Variants in RGS20 observed in about 807,000 individuals in gnomAD.
RGS20 encodes gz-selective GTPase-activating protein.
Under a neutral mutation model 33.6 loss-of-function variants are expected in RGS20, and 30 were observed. The ratio of observed to expected loss-of-function variants is 0.89; its 90% confidence interval spans 0.67 to 1.21. The LOEUF (loss-of-function observed/expected upper bound fraction) is 1.21. Ranked by LOEUF, RGS20 falls within the 50% of genes most tolerant of loss-of-function variation. The pLI is 0.00. For missense variants in RGS20, 472 were observed against 502.4 expected, an observed-to-expected ratio of 0.94 and a Z score of 0.58; for synonymous variants, 208 against 197.9, an observed-to-expected ratio of 1.05 and a Z score of -0.43.
chr8:53,919,126 G>T (rs1025906682), intron 2 of RGS20, among the ~76,000 whole-genome samples: 8 of 152,058 alleles, frequency 5.3e-5, no homozygotes, highest in Admixed American at 5.2e-4. Context: ...ATTTCATTGT[G>T]GTAGAGATTT....
intron 1 of RGS20, among the ~76,000 whole-genome samples, chr8:53,864,418 G>T (rs1301202215): frequency 2.7e-4 from 38 of 140,132 alleles, no homozygotes; most frequent in Non-Finnish European, 3.0e-5. Context: ...TGGCGATAGA[G>T]CAAGACTCCA....
chr8:53,880,988 C>T, intron 2 of RGS20: 1 of 1,592,926 alleles, frequency 6.3e-7, no homozygotes, highest in Non-Finnish European at 8.5e-7. Context: ...CTCCGCGCTG[C>T]AATATTGAGA....
At chr8:53,948,623 T>C (rs1460927439) in intron 4 of RGS20, among the ~76,000 whole-genome samples, 1 of 125,694 alleles carries the variant, frequency 8.0e-6, no homozygotes, top group Non-Finnish European at 1.6e-5. Context: ...TATGATACAG[T>C]ACATATTTAC....
chr8:53,910,400 T>TA (rs1293165293), intron 2 of RGS20, among the ~76,000 whole-genome samples: 2 of 145,128 alleles, frequency 1.4e-5, no homozygotes, highest in African/African-American at 5.4e-5. Flanking sequence ...AGCTGCCACT[T>TA]ACGCCTATTA....
At chr8:53,863,979 G>A (rs1167573157) in intron 1 of RGS20, among the ~76,000 whole-genome samples, 2 of 151,634 alleles carry the variant, frequency 1.3e-5, no homozygotes, top group Non-Finnish European at 2.9e-5. Context: ...TGCCTTCCTC[G>A]GCCTCCCAAA....
intron 1 of RGS20, chr8:53,852,189 G>C: frequency 1.1e-6 from 1 of 917,138 alleles, no homozygotes; most frequent in Non-Finnish European, 1.5e-6. Flanking sequence ...TATCAAAAAT[G>C]TTTTCAAACC....
chr8:53,885,707 A>G (rs545332322), intron 2 of RGS20, among the ~76,000 whole-genome samples: 1 of 151,356 alleles, frequency 6.6e-6, no homozygotes, highest in South Asian at 2.1e-4. Context: ...CAGGGGAGGT[A>G]CTTCTAGGAA....
chr8:53,949,653 G>T (rs1393962965), intron 4 of RGS20, among the ~76,000 whole-genome samples: 3 of 151,524 alleles, frequency 2.0e-5, no homozygotes, highest in African/African-American at 7.3e-5. Flanking sequence ...GGAGGCAGAG[G>T]TTGCAGTGAG....
chr8:53,916,580 C>A (rs1811919776), intron 2 of RGS20, among the ~76,000 whole-genome samples: 1 of 152,042 alleles, frequency 6.6e-6, no homozygotes, highest in Non-Finnish European at 1.5e-5. Context: ...AATTGTCATT[C>A]TTTTGTAGGA....
intron 2 of RGS20, among the ~76,000 whole-genome samples, chr8:53,903,339 A>C (rs1048395278): frequency 6.6e-6 from 1 of 152,260 alleles, no homozygotes; most frequent in East Asian, 1.9e-4. Context: ...AATGAGGCTT[A>C]CAACATTTGT....
chr8:53,953,184 G>A (rs1433292185), intron 4 of RGS20, among the ~76,000 whole-genome samples: 1 of 152,144 alleles, frequency 6.6e-6, no homozygotes, highest in African/African-American at 2.4e-5. Context: ...TAACAAAAGT[G>A]CACTTGCACC....
intron 2 of RGS20, among the ~76,000 whole-genome samples, chr8:53,928,613 C>T (rs146412110): frequency 0.021 from 3,141 of 152,090 alleles, 43 homozygotes; most frequent in Non-Finnish European, 0.027. Context: ...CACCTGAGGT[C>T]AGGAGTTCGA....
intron 2 of RGS20, among the ~76,000 whole-genome samples, chr8:53,881,827 G>T (rs189856417): frequency 1.0e-3 from 153 of 152,224 alleles, no homozygotes; most frequent in African/African-American, 3.6e-3. Context: ...TTGATCTTCC[G>T]CACCCTCGGA....
At chr8:53,911,377 C>T (rs1340794952) in intron 2 of RGS20, among the ~76,000 whole-genome samples, 1 of 152,096 alleles carries the variant, frequency 6.6e-6, no homozygotes, top group African/African-American at 2.4e-5. Flanking sequence ...ACAGACTAAC[C>T]TTTGGCAAAT....
intron 2 of RGS20, chr8:53,880,986 T>C (rs1199513466): frequency 1.3e-6 from 2 of 1,591,590 alleles, no homozygotes; most frequent in African/African-American, 1.3e-5. Flanking sequence ...CCCTCCGCGC[T>C]GCAATATTGA....
intron 2 of RGS20, among the ~76,000 whole-genome samples, chr8:53,894,322 G>T (rs1371084916): frequency 6.6e-6 from 1 of 152,142 alleles, no homozygotes; most frequent in Non-Finnish European, 1.5e-5. Context: ...CACACCAAGG[G>T]GGAGGGAGAT....
chr8:53,864,731 G>A (rs1811884136), intron 1 of RGS20, among the ~76,000 whole-genome samples: 1 of 152,168 alleles, frequency 6.6e-6, no homozygotes, highest in Non-Finnish European at 1.5e-5. Flanking sequence ...GATGAAACAA[G>A]ATTTCATCTG....
chr8:53,896,488 C>T (rs907710698), intron 2 of RGS20, among the ~76,000 whole-genome samples: 9 of 152,198 alleles, frequency 5.9e-5, no homozygotes, highest in South Asian at 4.1e-4. Context: ...TCACTGAAAA[C>T]ATTTGTCTAC....
chr8:53,893,820 G>C (rs1812781020), intron 2 of RGS20, among the ~76,000 whole-genome samples: 1 of 152,086 alleles, frequency 6.6e-6, no homozygotes, highest in Non-Finnish European at 1.5e-5. Flanking sequence ...AATAAATTTG[G>C]CTTAAAGGAT....
Sources: gnomAD v4.1 joint callset for allele counts (sites outside exome capture counted in the v4.1 genomes callset) on GRCh38, gnomAD v4.1.1 for gene constraint, MANE v1.5 for transcripts, NCBI Gene and HGNC (gene_info 2026-07-23, HGNC 2026-07-21) for gene names.